The following RYK variants were observed in gnomAD, a reference collection of about 807,000 sequenced individuals.
RYK encodes receptor like tyrosine kinase.
In RYK, 21 loss-of-function variants were observed where a neutral mutation model predicts 70.2. The ratio of observed to expected loss-of-function variants is 0.30; its 90% CI spans 0.21 to 0.43. The LOEUF (loss-of-function observed/expected upper bound fraction) is 0.43, where lower values mean the gene tolerates loss of function less well. RYK is among the 20% of genes least tolerant of loss of function. The pLI, the probability that RYK is intolerant of heterozygous loss-of-function variation, is 1.00. For missense variants in RYK, 604 were observed against 753.3 expected, an observed-to-expected ratio of 0.80 and a Z score of 2.32; for synonymous variants, 267 against 278.0, an observed-to-expected ratio of 0.96 and a Z score of 0.39.
intron 8 of RYK, among the ~76,000 whole-genome samples, chr3:134,190,374 C>T (rs2013607676): frequency 6.6e-6 from 1 of 152,110 alleles, no homozygotes; most frequent in Non-Finnish European, 1.5e-5. Context: ...TACTCTCAAA[C>T]ACAGATTTAC....
Position 134,175,777 on chromosome 3 carries a change from TAA to T in RYK, c.1416-11_1416-10del, listed in dbSNP as rs751237531. 3 of 1,613,528 alleles carry T rather than the reference TAA, an allele frequency of 1.9e-6. No individual in the cohort carries two copies. In the South Asian group the frequency reaches 3.3e-5, roughly 18 times the overall value. On this transcript the variant is annotated splice_polypyrimidine_tract_variant and intron_variant, in intron 12 of 14. Coordinates refer to ENST00000623711, the MANE Select transcript of RYK (RefSeq NM_002958.4). Reference sequence around the variant, plus strand: ...GAAGTGTGTCATCAATGCTGAAAAGTAAAGATATGAACATCAAATGCAATCAG... The same window carrying T: ...GAAGTGTGTCATCAATGCTGAAAAGTAGATATGAACATCAAATGCAATCAG...
intron 1 of RYK, among the ~76,000 whole-genome samples, chr3:134,236,840 A>G (rs2015210374): frequency 6.6e-6 from 1 of 152,202 alleles, no homozygotes; most frequent in Non-Finnish European, 1.5e-5. Flanking sequence ...AGACAAGAAC[A>G]AGAATGGACA....
chr3:134,245,415 A>T (rs797018709), intron 1 of RYK, among the ~76,000 whole-genome samples: 28 of 152,258 alleles, frequency 1.8e-4, no homozygotes, highest in African/African-American at 5.8e-4. Flanking sequence ...ATAAGGACAA[A>T]CAGAAAAGGA....
intron 6 of RYK, among the ~76,000 whole-genome samples, chr3:134,198,187 A>G (rs1485784351): frequency 6.6e-6 from 1 of 152,232 alleles, no homozygotes; most frequent in East Asian, 1.9e-4. Flanking sequence ...TAAATTATCA[A>G]TCTAAATAGA....
At chr3:134,234,162 T>C (rs1055637678) in intron 1 of RYK, among the ~76,000 whole-genome samples, 1 of 152,096 alleles carries the variant, frequency 6.6e-6, no homozygotes. Context: ...GAAATATGCA[T>C]ACAGCTGCGA....
At chr3:134,249,715 A>C (rs1000549979) in intron 1 of RYK, among the ~76,000 whole-genome samples, 1 of 152,152 alleles carries the variant, frequency 6.6e-6, no homozygotes, top group Non-Finnish European at 1.5e-5. Context: ...AGAGTGGCCC[A>C]GAAGTACAGA....
chr3:134,193,167 A>G (rs1285203998), intron 7 of RYK, among the ~76,000 whole-genome samples: 1 of 152,078 alleles, frequency 6.6e-6, no homozygotes, highest in Non-Finnish European at 1.5e-5. Flanking sequence ...TTAAAAGATA[A>G]ATAAATTTAT....
chr3:134,193,600 T>G (rs2013719447), intron 7 of RYK, among the ~76,000 whole-genome samples: 1 of 152,254 alleles, frequency 6.6e-6, no homozygotes, highest in Admixed American at 6.5e-5. Flanking sequence ...ATTTAAACAT[T>G]AAAAGCAATG....
At chr3:134,234,281 C>T (rs2015142820) in intron 1 of RYK, among the ~76,000 whole-genome samples, 1 of 152,092 alleles carries the variant, frequency 6.6e-6, no homozygotes, top group African/African-American at 2.4e-5. Flanking sequence ...TAGAAAATCA[C>T]ATTTGTAACG....
chr3:134,224,242 G>A (rs2014820043), intron 1 of RYK, among the ~76,000 whole-genome samples: 1 of 152,174 alleles, frequency 6.6e-6, no homozygotes, highest in Non-Finnish European at 1.5e-5. Flanking sequence ...GGCAGGGTAA[G>A]GAGTGTGAGT....
At chr3:134,201,848 T>C (rs931387949) in intron 6 of RYK, among the ~76,000 whole-genome samples, 1 of 152,184 alleles carries the variant, frequency 6.6e-6, no homozygotes, top group Non-Finnish European at 1.5e-5. Context: ...AGCTGGGGCA[T>C]GTCTTCAGGC....
chr3:134,185,829 C>G (rs182616768), intron 9 of RYK, among the ~76,000 whole-genome samples: 1 of 152,082 alleles, frequency 6.6e-6, no homozygotes, highest in African/African-American at 2.4e-5. Flanking sequence ...TTTATACTTA[C>G]TTTTTTCAAG....
At chr3:134,199,324 C>A (rs1437803425) in intron 6 of RYK, among the ~76,000 whole-genome samples, 1 of 152,228 alleles carries the variant, frequency 6.6e-6, no homozygotes, top group Admixed American at 6.5e-5. Flanking sequence ...TGGGCTCCAT[C>A]TAACCTCACC....
At chr3:134,237,689 A>C (rs541547042) in intron 1 of RYK, among the ~76,000 whole-genome samples, 4 of 152,308 alleles carry the variant, frequency 2.6e-5, no homozygotes, top group African/African-American at 9.6e-5. Context: ...TCTAGACAAC[A>C]ATTTTCTCAA....
Position 134,250,820 on chromosome 3 carries a change from C to A in RYK, c.-166G>T. ...GCTTCAGACCTCCGGAGCGCGCCGC[C>A]GCCGCCGCCTCCTCGCTGCATCGTC... On this transcript the variant is annotated 5_prime_UTR_variant, in exon 1 of 15. Coordinates refer to ENST00000623711, the MANE Select transcript of RYK (RefSeq NM_002958.4). 5.9e-6 allele frequency: 1 copy of A among 169,310 alleles called. No individual in the cohort carries two copies. Among genetic ancestry groups the A allele is most frequent in the South Asian group, 1.7e-4 (1 of 5,720 alleles). 10.5% of individuals were successfully genotyped at this position (169,310 alleles called of 1,614,324 possible).
At chr3:134,184,778 A>G (rs1047557330) in intron 9 of RYK, among the ~76,000 whole-genome samples, 3 of 150,976 alleles carry the variant, frequency 2.0e-5, no homozygotes, top group Non-Finnish European at 4.4e-5. Flanking sequence ...AAATAATAAT[A>G]ATAAACAAAT....
chr3:134,245,731 C>T (rs2015447237), intron 1 of RYK, among the ~76,000 whole-genome samples: 1 of 152,150 alleles, frequency 6.6e-6, no homozygotes, highest in Admixed American at 6.5e-5. Flanking sequence ...GTAACCCAAA[C>T]CCTGGCAGCT....
chr3:134,228,896 G>A (rs999469010), intron 1 of RYK, among the ~76,000 whole-genome samples: 1 of 152,082 alleles, frequency 6.6e-6, no homozygotes, highest in Non-Finnish European at 1.5e-5. Flanking sequence ...AATGTATCAC[G>A]TGATGAATAC....
chr3:134,225,161 T>C (rs6808085), intron 1 of RYK, among the ~76,000 whole-genome samples: 21,939 of 152,134 alleles, frequency 0.14, 1,939 homozygotes, highest in East Asian at 0.47. Flanking sequence ...TGTTAGCAAA[T>C]ATCCAGGAAT....
Sources: allele counts gnomAD v4.1 joint callset (sites outside exome capture counted in the v4.1 genomes callset), GRCh38; gene constraint gnomAD v4.1.1; transcripts MANE v1.5; gene names NCBI Gene and HGNC (gene_info 2026-07-23, HGNC 2026-07-21).